The following NDUFAF2 variants were observed in gnomAD, a reference collection of about 807,000 sequenced individuals.
The protein encoded by NDUFAF2 is NADH:ubiquinone oxidoreductase complex assembly factor 2, also known as NADH dehydrogenase [ubiquinone] 1 alpha subcomplex assembly factor 2.
In NDUFAF2, 13 loss-of-function variants were observed where a neutral mutation model predicts 22.8. The ratio of observed to expected loss-of-function variants is 0.57; its 90% CI spans 0.37 to 0.91. The LOEUF (loss-of-function observed/expected upper bound fraction) is 0.91. NDUFAF2 is among the 40% of genes least tolerant of loss of function. The pLI, the probability that NDUFAF2 is intolerant of heterozygous loss-of-function variation, is 0.01. For synonymous variants in NDUFAF2, 53 were observed against 64.2 expected (o/e 0.83, Z 0.84); for missense variants, 162 against 195.2 (o/e 0.83, Z 1.01).
intron 2 of NDUFAF2, among the ~76,000 whole-genome samples, chr5:61,080,696 T>C (rs566270911): frequency 1.3e-5 from 2 of 152,256 alleles, no homozygotes; most frequent in Admixed American, 6.5e-5. Flanking sequence ...ATTTTTTTAA[T>C]TAAAAAAATT....
chr5:60,963,378 C>G (rs1463239013), intron 1 of NDUFAF2, among the ~76,000 whole-genome samples: 2 of 152,162 alleles, frequency 1.3e-5, no homozygotes, highest in African/African-American at 4.8e-5. Context: ...AAGTCTGCAA[C>G]TTGCCTTCCC....
At chr5:61,152,571 A>T (rs977493680) in intron 3 of NDUFAF2, 133 bp from the exon 4 acceptor site, 2 of 588,300 alleles carry the variant, frequency 3.4e-6, no homozygotes, top group African/African-American at 3.8e-5. Flanking sequence ...ACATATCTGT[A>T]TATTATTTAA....
intron 3 of NDUFAF2, among the ~76,000 whole-genome samples, chr5:61,119,353 A>G (rs971977430): frequency 1.3e-5 from 2 of 152,198 alleles, no homozygotes; most frequent in East Asian, 1.9e-4. Context: ...TACACTAGAC[A>G]TAACAGTTAA....
At chr5:61,021,568 A>T (rs150222395) in intron 1 of NDUFAF2, among the ~76,000 whole-genome samples, 6 of 152,178 alleles carry the variant, frequency 3.9e-5, no homozygotes, top group African/African-American at 1.4e-4. Flanking sequence ...GTACATAGAC[A>T]TCTTTAGGAC....
intron 1 of NDUFAF2, among the ~76,000 whole-genome samples, chr5:60,968,161 G>T (rs993984151): frequency 7.3e-5 from 11 of 151,626 alleles, no homozygotes; most frequent in African/African-American, 2.7e-4. Flanking sequence ...GATCCTTTGT[G>T]TTTCTTTCTG....
At chr5:60,952,744 AT>A (rs1198567662) in intron 1 of NDUFAF2, among the ~76,000 whole-genome samples, 3 of 151,794 alleles carry the variant, frequency 2.0e-5, no homozygotes, top group South Asian at 2.1e-4. Flanking sequence ...ATTCACACTG[AT>A]TTTTTTTGTA....
intron 1 of NDUFAF2, among the ~76,000 whole-genome samples, chr5:61,010,045 C>G (rs965785088): frequency 6.6e-6 from 1 of 152,074 alleles, no homozygotes; most frequent in Non-Finnish European, 1.5e-5. Context: ...GACTTTGTAA[C>G]AGGCTCTTGA....
chr5:61,058,648 A>T (rs1012450933), intron 1 of NDUFAF2, among the ~76,000 whole-genome samples: 8 of 151,966 alleles, frequency 5.3e-5, no homozygotes, highest in Admixed American at 5.2e-4. Flanking sequence ...CTCATGTTAT[A>T]ATTTAGATAT....
intron 3 of NDUFAF2, among the ~76,000 whole-genome samples, chr5:61,130,707 C>T (rs1173811214): frequency 6.6e-6 from 1 of 151,982 alleles, no homozygotes; most frequent in African/African-American, 2.4e-5. Flanking sequence ...AACATTGTTC[C>T]AGGGAAAACT....
chr5:61,095,359 G>T (rs1241493215), intron 2 of NDUFAF2, among the ~76,000 whole-genome samples: 2 of 152,308 alleles, frequency 1.3e-5, no homozygotes, highest in African/African-American at 4.8e-5. Context: ...CAGCAAAGAT[G>T]GTGGCCCTTC....
intron 1 of NDUFAF2, among the ~76,000 whole-genome samples, chr5:61,024,368 T>C (rs1429929366): frequency 2.0e-5 from 3 of 152,102 alleles, no homozygotes; most frequent in African/African-American, 7.2e-5. Context: ...ATAAGTCAAA[T>C]GTTTAGTTTG....
At chr5:60,973,933 A>G (rs1244298968) in intron 1 of NDUFAF2, among the ~76,000 whole-genome samples, 1 of 152,152 alleles carries the variant, frequency 6.6e-6, no homozygotes, top group Admixed American at 6.5e-5. Context: ...CCTCCTGAGT[A>G]GCTGTGACTA....
intron 1 of NDUFAF2, among the ~76,000 whole-genome samples, chr5:61,019,229 T>G (rs993184346): frequency 6.6e-6 from 1 of 152,122 alleles, no homozygotes; most frequent in Non-Finnish European, 1.5e-5. Context: ...CACTTGTTTC[T>G]TTAGTTGTAT....
intron 1 of NDUFAF2, among the ~76,000 whole-genome samples, chr5:61,011,245 TCCC>T (rs1751439208): frequency 6.6e-6 from 1 of 152,090 alleles, no homozygotes. Flanking sequence ...GGCAGAGCTC[TCCC>T]CGCTGCCTCC....
intron 3 of NDUFAF2, among the ~76,000 whole-genome samples, chr5:61,105,631 A>C (rs74783725): frequency 4.1e-5 from 1 of 24,660 alleles, no homozygotes. Flanking sequence ...ATACTGAGCA[A>C]AAAAAAAAAA....
intron 1 of NDUFAF2, among the ~76,000 whole-genome samples, chr5:60,962,831 T>TAA (rs76616114): frequency 7.0e-6 from 1 of 143,426 alleles, no homozygotes; most frequent in African/African-American, 2.5e-5. Flanking sequence ...GACTGCATCT[T>TAA]AAAAAAAAAA....
chr5:61,015,100 G>A (rs1440210836), intron 1 of NDUFAF2, among the ~76,000 whole-genome samples: 1 of 152,098 alleles, frequency 6.6e-6, no homozygotes, highest in Admixed American at 6.6e-5. Flanking sequence ...TGACTTTTGG[G>A]ACATTGGCTT....
chr5:60,957,405 T>G (rs1181908753), intron 1 of NDUFAF2, among the ~76,000 whole-genome samples: 1 of 152,088 alleles, frequency 6.6e-6, no homozygotes, highest in Non-Finnish European at 1.5e-5. Context: ...TATATAGAAA[T>G]AAATCCCTTA....
Position 60,980,881 on chromosome 5 carries a change from C to T in NDUFAF2, c.127+35499C>T, listed in dbSNP as rs191377939. On this transcript the variant is annotated intron_variant, in intron 1 of 3. Coordinates refer to ENST00000296597, the MANE Select transcript of NDUFAF2 (RefSeq NM_174889.5). Reference sequence around the variant, plus strand: ...TGAAGATGGGCTATTTAAAAATATACGGTCAAAGGAGACAAAAGAAATGAG... The same window carrying T: ...TGAAGATGGGCTATTTAAAAATATATGGTCAAAGGAGACAAAAGAAATGAG... Among the ~76,000 whole-genome samples the T allele has an allele frequency of 2.5e-4, 38 of 151,464 alleles. No individual in the cohort carries two copies. In the East Asian group the frequency reaches 6.0e-3, roughly 24 times the overall value.
Sources: gnomAD v4.1 joint callset for allele counts (sites outside exome capture counted in the v4.1 genomes callset) on GRCh38, gnomAD v4.1.1 for gene constraint, MANE v1.5 for transcripts, NCBI Gene and HGNC (gene_info 2026-07-23, HGNC 2026-07-21) for gene names.